CACHD1: variants seen among roughly 807,000 people sequenced by gnomAD.
CACHD1 encodes the protein VWFA and cache domain-containing protein 1.
CACHD1 carries 71 observed loss-of-function variants against 138.7 expected under a neutral mutation model. The observed-to-expected ratio is 0.51, with a 90% CI of 0.42 to 0.62. CACHD1 has a LOEUF of 0.62. CACHD1 is among the 20% of genes least tolerant of loss of function. The probability of loss-of-function intolerance (pLI) is 0.00; values close to 1 mark genes in which losing one functional copy is unlikely to be tolerated. For missense variants in CACHD1, 1,389 were observed against 1,625.3 expected, an observed-to-expected ratio of 0.85 and a Z score of 2.50; for synonymous variants, 578 against 591.5, an observed-to-expected ratio of 0.98 and a Z score of 0.33.
chr1:64,565,741 T>G (rs1646876308), intron 2 of CACHD1, among the ~76,000 whole-genome samples: 1 of 152,214 alleles, frequency 6.6e-6, no homozygotes, highest in African/African-American at 2.4e-5. Context: ...ACATATTTTC[T>G]CATTTTATCC....
chr1:64,471,782 G>C (rs1236802117), intron 1 of CACHD1, among the ~76,000 whole-genome samples: 1 of 152,064 alleles, frequency 6.6e-6, no homozygotes, highest in Non-Finnish European at 1.5e-5. Context: ...CTCCTCGGGA[G>C]AGGAAGGAGG....
At chr1:64,515,677 C>T (rs1646453474) in intron 1 of CACHD1, among the ~76,000 whole-genome samples, 2 of 152,178 alleles carry the variant, frequency 1.3e-5, no homozygotes, top group African/African-American at 4.8e-5. Context: ...TGTTAGCTCC[C>T]TAGCTGCCTG....
In CACHD1 at chr1:64,681,541, G is replaced by GTTTTTTTTTT. The variant is rs57993424; in HGVS notation, c.3484+220_3484+229dup. 2.2e-3 allele frequency among the ~76,000 whole-genome samples: 148 copies of GTTTTTTTTTT among 68,112 alleles called. 1 individual carries two copies. Among genetic ancestry groups the GTTTTTTTTTT allele is most frequent in the Non-Finnish European group, 2.5e-3 (93 of 37,630 alleles). The allele number at this position is 68,112 out of a possible 152,430, so 44.7% of individuals were successfully genotyped here. A position where few individuals can be genotyped will look rare whatever the true frequency, so the allele number is the denominator to read the frequency against. On this transcript the variant is annotated intron_variant, in intron 25 of 26. Transcript: ENST00000651257. ...AGAGAATCTCAAAAGATTTTATTGT[G>GTTTTTTTTTT]TTTTTTTTTTTTTTTTTTTTTTTGC...
chr1:64,560,320 T>G (rs1370568572), intron 2 of CACHD1, among the ~76,000 whole-genome samples: 2 of 152,130 alleles, frequency 1.3e-5, no homozygotes, highest in African/African-American at 4.8e-5. Context: ...TTTTTTTACC[T>G]TTTTTTCAAA....
At chr1:64,498,081 C>T (rs552437707) in intron 1 of CACHD1, among the ~76,000 whole-genome samples, 4 of 152,262 alleles carry the variant, frequency 2.6e-5, no homozygotes, top group East Asian at 1.9e-4. Context: ...GAGCTGAGAT[C>T]GTGCCACTGT....
Position 64,673,402 on chromosome 1 carries a change from C to T in CACHD1, c.2665C>T (p.Leu889=), listed in dbSNP as rs1649883155. ...LNHPNFVKKN[L]CNSFSDRTVQ... ...CCACCCCAACTTTGTAAAGAAAAACCTGTGCAACAGCTTCAGTGACAGAAC... is the reference window on the plus strand; with the variant it reads ...CCACCCCAACTTTGTAAAGAAAAACTTGTGCAACAGCTTCAGTGACAGAAC... Residue 889 remains leucine (L), a synonymous_variant, in exon 19 of 27, where the codon CTG becomes TTG. Transcript: ENST00000651257. The T allele has an allele frequency of 1.2e-6, 2 of 1,614,136 alleles. No individual in the cohort carries two copies. The highest frequency in any genetic ancestry group is 1.7e-6 in the Non-Finnish European group (2 of 1,180,002).
intron 16 of CACHD1, among the ~76,000 whole-genome samples, chr1:64,671,107 A>G (rs1486628927): frequency 6.6e-6 from 1 of 152,218 alleles, no homozygotes; most frequent in East Asian, 1.9e-4. Flanking sequence ...TAAGTTTTGT[A>G]TGACCTTAGC....
At chr1:64,532,406 G>A (rs1479645143) in intron 1 of CACHD1, among the ~76,000 whole-genome samples, 1 of 152,192 alleles carries the variant, frequency 6.6e-6, no homozygotes, top group Non-Finnish European at 1.5e-5. Context: ...TAGAGCATCA[G>A]GTGTGATGGA....
chr1:64,581,901 T>C (rs1383816561), intron 2 of CACHD1, among the ~76,000 whole-genome samples: 1 of 152,226 alleles, frequency 6.6e-6, no homozygotes, highest in Non-Finnish European at 1.5e-5. Context: ...ATAGGTATTG[T>C]TCTATTTAAC....
chr1:64,580,797 C>T (rs1248985066), intron 2 of CACHD1, among the ~76,000 whole-genome samples: 1 of 152,118 alleles, frequency 6.6e-6, no homozygotes, highest in Admixed American at 6.5e-5. Context: ...CAGCATTCTC[C>T]ACCAAGTTGT....
intron 3 of CACHD1, among the ~76,000 whole-genome samples, chr1:64,583,909 G>A (rs1040333939): frequency 6.6e-6 from 1 of 152,100 alleles, no homozygotes; most frequent in African/African-American, 2.4e-5. Context: ...TGATATGTGG[G>A]GATTATGGGA....
intron 8 of CACHD1, among the ~76,000 whole-genome samples, chr1:64,646,826 C>T (rs1336411380): frequency 6.6e-6 from 1 of 152,136 alleles, no homozygotes; most frequent in Non-Finnish European, 1.5e-5. Context: ...TGTACACTCT[C>T]TATGTAGAAA....
At position 64,692,713 on chromosome 1, in the gene CACHD1, A is replaced by T. The variant is rs1282927784; in HGVS notation, c.*1152A>T. 1 of 152,180 alleles carries T rather than the reference A, an allele frequency of 6.6e-6. No individual in the cohort carries two copies. The highest frequency in any genetic ancestry group is 1.5e-5 in the Non-Finnish European group (1 of 68,036). 9.4% of individuals were successfully genotyped at this position (152,180 alleles called of 1,614,324 possible). ...TATCCACCAAATTGCTTTGTGATTT[A>T]TACAGGGATTAATCAAATCTGGCTA... On this transcript the variant is annotated 3_prime_UTR_variant, in exon 27 of 27. Transcript: ENST00000651257.
rs77393762 is a variant in CACHD1, at chr1:64,549,626, G to A, written c.199-968G>A. Among the ~76,000 whole-genome samples, 11 of 152,182 alleles carry A rather than the reference G, an allele frequency of 7.2e-5. No individual in the cohort carries two copies. In the East Asian group the frequency reaches 2.1e-3, roughly 30 times the overall value. On this transcript the variant is annotated intron_variant, in intron 1 of 26. Coordinates refer to ENST00000651257, the MANE Select transcript of CACHD1 (RefSeq NM_020925.4). ...TTCTGTACCACAACCATGCAGGTGT[G>A]TTAGGCCGTCTGGGAAGCTGTCCCA...
intron 2 of CACHD1, among the ~76,000 whole-genome samples, chr1:64,558,882 G>A (rs779770371): frequency 5.3e-5 from 8 of 152,102 alleles, no homozygotes; most frequent in Non-Finnish European, 1.0e-4. Context: ...TTCCCAACAA[G>A]CATATGAAGA....
At chr1:64,518,492 T>A (rs1646475214) in intron 1 of CACHD1, among the ~76,000 whole-genome samples, 1 of 152,186 alleles carries the variant, frequency 6.6e-6, no homozygotes, top group Non-Finnish European at 1.5e-5. Context: ...GGAAATCTGT[T>A]TTTTTAGTGC....
intron 7 of CACHD1, among the ~76,000 whole-genome samples, chr1:64,636,891 C>T (rs1035877175): frequency 6.6e-6 from 1 of 152,078 alleles, no homozygotes; most frequent in Admixed American, 6.5e-5. Flanking sequence ...AGGTTATGTC[C>T]CGTATACAGG....
chr1:64,533,611 C>A (rs927962378), intron 1 of CACHD1, among the ~76,000 whole-genome samples: 1 of 152,142 alleles, frequency 6.6e-6, no homozygotes, highest in East Asian at 1.9e-4. Context: ...TGTAAACATG[C>A]AGTACAATTG....
chr1:64,612,322 A>T (rs1034392939), intron 4 of CACHD1, among the ~76,000 whole-genome samples: 1 of 152,322 alleles, frequency 6.6e-6, no homozygotes, highest in Admixed American at 6.5e-5. Context: ...GTATGCATTT[A>T]CCTTTTCTAT....
Sources: allele counts gnomAD v4.1 joint callset (sites outside exome capture counted in the v4.1 genomes callset), GRCh38; gene constraint gnomAD v4.1.1; transcripts MANE v1.5; gene names NCBI Gene and HGNC (gene_info 2026-07-23, HGNC 2026-07-21).